Variants in SMG1 observed in about 807,000 individuals in gnomAD.
SMG1 encodes the protein SMG1 nonsense mediated mRNA decay associated PI3K related kinase.
A neutral mutation model predicts 419.9 loss-of-function variants in SMG1; 22 were observed. The observed-to-expected ratio is 0.05, with a 90% CI of 0.04 to 0.07. The LOEUF is 0.07. Ranked by LOEUF, SMG1 falls within the 10% of genes least tolerant of loss-of-function variation. SMG1 has a pLI of 1.00. For missense variants in SMG1, 3,185 were observed against 4,342.0 expected (o/e 0.73, Z 7.49); for synonymous variants, 1,538 against 1,553.5 (o/e 0.99, Z 0.23).
intron 3 of SMG1, among the ~76,000 whole-genome samples, chr16:18,892,722 G>A (rs542176819): frequency 6.6e-6 from 1 of 152,222 alleles, no homozygotes; most frequent in South Asian, 2.1e-4. Flanking sequence ...GACAGAGCAA[G>A]ACCCTCTCTC....
At chr16:18,857,317 C>T (rs1415315967) in intron 29 of SMG1, 1 of 152,190 alleles carries the variant, frequency 6.6e-6, no homozygotes, top group African/African-American at 2.4e-5. Context: ...ATCCCTTTGA[C>T]ATATAAATAT....
At chr16:18,840,658 A>G (rs544397796) in intron 41 of SMG1, among the ~76,000 whole-genome samples, 1 of 152,332 alleles carries the variant, frequency 6.6e-6, no homozygotes, top group East Asian at 1.9e-4. Flanking sequence ...TAAAATTCAT[A>G]GATACAAAAT....
chr16:18,885,447 G>T, intron 7 of SMG1, 94 bp downstream of exon 7: 1 of 1,456,042 alleles, frequency 6.9e-7, no homozygotes, highest in Non-Finnish European at 9.5e-7. Flanking sequence ...ATTCAAAGGA[G>T]CTGAGGCATT....
intron 51 of SMG1, among the ~76,000 whole-genome samples, chr16:18,830,847 A>G (rs2033127044): frequency 6.6e-6 from 1 of 152,200 alleles, no homozygotes; most frequent in African/African-American, 2.4e-5. Context: ...GTCAACCACA[A>G]TAGGATTTCA....
At chr16:18,837,021 T>C (rs893255974) in intron 46 of SMG1, among the ~76,000 whole-genome samples, 6 of 152,226 alleles carry the variant, frequency 3.9e-5, no homozygotes, top group Non-Finnish European at 8.8e-5. Context: ...TTCTAACCAC[T>C]ACACCCACCT....
intron 1 of SMG1, among the ~76,000 whole-genome samples, chr16:18,900,327 C>T (rs1437108943): frequency 6.6e-6 from 1 of 152,054 alleles, no homozygotes; most frequent in African/African-American, 2.4e-5. Flanking sequence ...ATTTTAGCTA[C>T]CTATTCTCAA....
chr16:18,813,158 G>C (rs1419106281), intron 60 of SMG1, among the ~76,000 whole-genome samples: 1 of 152,176 alleles, frequency 6.6e-6, no homozygotes, highest in East Asian at 1.9e-4. Context: ...ATAGCAGCAT[G>C]ATTTATAGTC....
At position 18,820,135 on chromosome 16, in the gene SMG1, T is replaced by G. The variant is rs180821197; in HGVS notation, c.9742-481A>C. ...CACCTGCCATCGTGCCTGGCTAATTTTTGTAGTTTTAGTAAAGACGGAGTT... is the reference window on the plus strand; with the variant it reads ...CACCTGCCATCGTGCCTGGCTAATTGTTGTAGTTTTAGTAAAGACGGAGTT... On this transcript the variant is annotated intron_variant, in intron 55 of 62. Transcript: ENST00000446231. Among the ~76,000 whole-genome samples, 456 of 152,126 alleles carry G rather than the reference T, an allele frequency of 3.0e-3. 1 individual carries two copies. Among genetic ancestry groups the G allele is most frequent in the Non-Finnish European group, 3.9e-3 (265 of 67,992 alleles).
chr16:18,874,593 C>T (rs1017753237), intron 13 of SMG1, among the ~76,000 whole-genome samples: 26 of 143,608 alleles, frequency 1.8e-4, no homozygotes, highest in African/African-American at 4.9e-4. Flanking sequence ...AGGCTGGGCG[C>T]GGTGGCTCAC....
chr16:18,913,992 C>T (rs1567460316), intron 1 of SMG1, among the ~76,000 whole-genome samples: 1 of 151,940 alleles, frequency 6.6e-6, no homozygotes, highest in Non-Finnish European at 1.5e-5. Context: ...CACAGTGAAA[C>T]CCTGTCTCTA....
In SMG1 at chr16:18,818,410, T is replaced by C. The variant is rs544695282; in HGVS notation, c.9895-940A>G. 9.2e-5 allele frequency among the ~76,000 whole-genome samples: 14 copies of C among 151,928 alleles called. No homozygotes were observed. The South Asian group carries it at 2.5e-3, about 27-fold the overall frequency. ...CAAAAAAAACAAAAAAAATTTTTTT[T>C]TTGGTAGAGACAGTGTCTTGCTATG... is the stretch of plus-strand genomic sequence containing the variant. On this transcript the variant is annotated intron_variant, in intron 56 of 62. Coordinates refer to ENST00000446231, the MANE Select transcript of SMG1 (RefSeq NM_015092.5).
In SMG1 at chr16:18,884,890, T is replaced by G. The variant is rs1231044192; in HGVS notation, c.1021+200A>C. On this transcript the variant is annotated intron_variant, in intron 8 of 62. Transcript: ENST00000446231. ...ACAAATAACTTGGGTAAGTCCTGTC[T>G]GTACTTACTGTACCCACCTACTAGT... 4 of 574,306 alleles carry G rather than the reference T, an allele frequency of 7.0e-6. No homozygotes were observed. In the Admixed American group the frequency reaches 1.1e-4, roughly 15 times the overall value. The allele number at this position is 574,306 out of a possible 1,614,324, so 35.6% of individuals were successfully genotyped here. A position where few individuals can be genotyped will look rare whatever the true frequency, so the allele number is the denominator to read the frequency against.
intron 11 of SMG1, chr16:18,878,243 A>G (rs2036228980): frequency 6.6e-6 from 1 of 152,036 alleles, no homozygotes; most frequent in African/African-American, 2.4e-5. Flanking sequence ...CTGTACTAAA[A>G]ATACAATTGC....
chr16:18,818,746 A>T (rs956759852), intron 56 of SMG1, among the ~76,000 whole-genome samples: 20 of 143,488 alleles, frequency 1.4e-4, no homozygotes, highest in African/African-American at 4.9e-4. Flanking sequence ...ACTTAGTTGA[A>T]AATGTCCGTA....
In SMG1 at chr16:18,892,204, C is replaced by A; in HGVS notation, c.549+14G>T. 1.3e-6 allele frequency: 2 copies of A among 1,503,460 alleles called. No homozygotes were observed. Among genetic ancestry groups the A allele is most frequent in the South Asian group, 1.2e-5 (1 of 83,048 alleles). The allele number at this position is 1,503,460 out of a possible 1,614,324, so 93.1% of individuals were successfully genotyped here. On this transcript the variant is annotated intron_variant, in intron 4 of 62. Transcript: ENST00000446231. ...ACACAAAAATCCTCATATTTCCAAA[C>A]ATACTATACTTACCAGCTTATTTTC...
chr16:18,841,920 A>C (rs554598575), intron 40 of SMG1, 126 bp from the exon 41 acceptor site: 3 of 817,222 alleles, frequency 3.7e-6, no homozygotes, highest in Admixed American at 2.2e-5. Context: ...TGAGAGCATT[A>C]AAGAATTCTA....
Position 18,853,771 on chromosome 16 carries a change from G to A in SMG1, c.4580C>T (p.Thr1527Ile), listed in dbSNP as rs201540056. The change falls in exon 31 of 63, where the codon ACA (threonine) becomes ATA (isoleucine). Residue 1527 changes from threonine (T) to isoleucine (I), a missense_variant. Transcript: ENST00000446231. ...AEYAVAKSILTLAKWIQAEWK... is the reference protein window; with the variant it reads ...AEYAVAKSILILAKWIQAEWK... ...TTCTGCCTGGATCCATTTAGCCAGT[G>A]TCAGAATTGATTTAGCAACTGCATA... is the stretch of plus-strand genomic sequence containing the variant. 3.7e-6 allele frequency: 6 copies of A among 1,613,768 alleles called. No homozygotes were observed. Among genetic ancestry groups the A allele is most frequent in the Non-Finnish European group, 5.1e-6 (6 of 1,179,842 alleles).
intron 8 of SMG1, chr16:18,884,787 T>C: frequency 3.7e-6 from 1 of 273,564 alleles, no homozygotes; most frequent in Non-Finnish European, 6.8e-6. Context: ...GACAAATAAC[T>C]TGGATCTTCC....
At chr16:18,844,024 C>CAG (rs2034082359) in intron 39 of SMG1, among the ~76,000 whole-genome samples, 1 of 151,974 alleles carries the variant, frequency 6.6e-6, no homozygotes, top group Non-Finnish European at 1.5e-5. Context: ...CACACACACA[C>CAG]ACGTGCGCAC....
Sources: gnomAD v4.1 joint callset for allele counts (sites outside exome capture counted in the v4.1 genomes callset) on GRCh38, gnomAD v4.1.1 for gene constraint, MANE v1.5 for transcripts, NCBI Gene and HGNC (gene_info 2026-07-23, HGNC 2026-07-21) for gene names.